The following CSRNP3 variants were observed in gnomAD, a reference collection of about 807,000 sequenced individuals.
The protein encoded by CSRNP3 is cysteine/serine-rich nuclear protein 3.
In CSRNP3, 12 loss-of-function variants were observed where a neutral mutation model predicts 48.0. The observed-to-expected ratio is 0.25, with a 90% CI of 0.16 to 0.41. The LOEUF (loss-of-function observed/expected upper bound fraction) is 0.41, where lower values mean the gene tolerates loss of function less well. Ranked by LOEUF, CSRNP3 falls within the 10% of genes least tolerant of loss-of-function variation. The pLI, the probability that CSRNP3 is intolerant of heterozygous loss-of-function variation, is 1.00. For synonymous variants in CSRNP3, 263 were observed against 269.7 expected, an observed-to-expected ratio of 0.98 and a Z score of 0.24; for missense variants, 580 against 724.4, an observed-to-expected ratio of 0.80 and a Z score of 2.29.
chr2:165,527,387 A>G (rs1204505649), intron 3 of CSRNP3, among the ~76,000 whole-genome samples: 2 of 151,488 alleles, frequency 1.3e-5, no homozygotes, highest in Non-Finnish European at 2.9e-5. Context: ...TTGTATTTTT[A>G]GTAGAGACGG....
At chr2:165,579,118 TTA>T (rs1433781183) in intron 3 of CSRNP3, among the ~76,000 whole-genome samples, 1 of 152,186 alleles carries the variant, frequency 6.6e-6, no homozygotes, top group African/African-American at 2.4e-5. Flanking sequence ...CAGCTTAAAC[TTA>T]TAGTTACAGA....
intron 3 of CSRNP3, among the ~76,000 whole-genome samples, chr2:165,531,320 G>A (rs1684809187): frequency 6.6e-6 from 1 of 152,166 alleles, no homozygotes; most frequent in Non-Finnish European, 1.5e-5. Context: ...TAAGGCAAAT[G>A]CTTGAAAGTT....
intron 4 of CSRNP3, among the ~76,000 whole-genome samples, chr2:165,611,677 T>C (rs1314681123): frequency 6.6e-6 from 1 of 152,128 alleles, no homozygotes; most frequent in Non-Finnish European, 1.5e-5. Context: ...ATAGGTTCTA[T>C]TTTTAATCTT....
intron 2 of CSRNP3, among the ~76,000 whole-genome samples, chr2:165,514,218 G>A (rs1684544910): frequency 6.6e-6 from 1 of 152,200 alleles, no homozygotes; most frequent in African/African-American, 2.4e-5. Flanking sequence ...ATCAGCTGTA[G>A]AGGACATTTG....
chr2:165,656,603 C>T lies in CSRNP3; in HGVS notation c.149-1158C>T, dbSNP rs193288232. Among the ~76,000 whole-genome samples, 933 of 152,090 alleles carry T rather than the reference C, an allele frequency of 6.1e-3. 6 individuals carry two copies. Among genetic ancestry groups the T allele is most frequent in the Non-Finnish European group, 0.011 (718 of 67,986 alleles). ...ATATATCTCAGGCAATTTCATTTGTCCCAATGTATACTTGCATTAGAATCC... is the reference window on the plus strand; with the variant it reads ...ATATATCTCAGGCAATTTCATTTGTTCCAATGTATACTTGCATTAGAATCC... On this transcript the variant is annotated intron_variant, in intron 4 of 6. Transcript: ENST00000651982.
At chr2:165,540,989 TGG>T (rs1684949258) in intron 3 of CSRNP3, among the ~76,000 whole-genome samples, 1 of 152,064 alleles carries the variant, frequency 6.6e-6, no homozygotes, top group Non-Finnish European at 1.5e-5. Flanking sequence ...CTGAAGAGTA[TGG>T]CCTTCCAAAG....
chr2:165,589,059 T>C (rs1685675715), intron 3 of CSRNP3, among the ~76,000 whole-genome samples: 1 of 152,200 alleles, frequency 6.6e-6, no homozygotes, highest in African/African-American at 2.4e-5. Flanking sequence ...GGCCTCATCT[T>C]TAGGAACAAA....
intron 3 of CSRNP3, among the ~76,000 whole-genome samples, chr2:165,542,947 C>T (rs1010508451): frequency 6.6e-6 from 1 of 152,092 alleles, no homozygotes; most frequent in Non-Finnish European, 1.5e-5. Context: ...TACTGAGAAT[C>T]TGTGGTTGCG....
At chr2:165,566,028 C>A (rs982849990) in intron 3 of CSRNP3, among the ~76,000 whole-genome samples, 2 of 151,914 alleles carry the variant, frequency 1.3e-5, no homozygotes, top group African/African-American at 4.8e-5. Flanking sequence ...GGTTCATAGA[C>A]AAAATCTATG....
At chr2:165,565,257 A>T (rs1284751531) in intron 3 of CSRNP3, among the ~76,000 whole-genome samples, 1 of 152,084 alleles carries the variant, frequency 6.6e-6, no homozygotes, top group Non-Finnish European at 1.5e-5. Context: ...CTATTCACAT[A>T]AGAAAGTCTT....
chr2:165,577,843 G>C (rs1463774388), intron 3 of CSRNP3, among the ~76,000 whole-genome samples: 2 of 151,884 alleles, frequency 1.3e-5, no homozygotes, highest in Non-Finnish European at 2.9e-5. Flanking sequence ...TTCCTGGACA[G>C]AGAAAGAGAG....
chr2:165,509,845 T>C (rs997390066), intron 2 of CSRNP3, among the ~76,000 whole-genome samples: 2 of 152,158 alleles, frequency 1.3e-5, no homozygotes, highest in African/African-American at 2.4e-5. Flanking sequence ...GGATACCACA[T>C]TGAATTCGGT....
intron 5 of CSRNP3, among the ~76,000 whole-genome samples, chr2:165,658,232 T>C (rs953164389): frequency 6.6e-6 from 1 of 152,032 alleles, no homozygotes; most frequent in Non-Finnish European, 1.5e-5. Flanking sequence ...ATTCCACCAA[T>C]ATTTACTATT....
chr2:165,595,986 T>G (rs913147147), intron 4 of CSRNP3, among the ~76,000 whole-genome samples: 5 of 151,918 alleles, frequency 3.3e-5, no homozygotes, highest in African/African-American at 9.7e-5. Context: ...ATTTTTTGTA[T>G]TTTTTTGTAT....
rs577417408 is a variant in CSRNP3, at chr2:165,597,040, T to C, written c.148+1827T>C. Among the ~76,000 whole-genome samples, 17 of 152,314 alleles carry C rather than the reference T, an allele frequency of 1.1e-4. No individual in the cohort carries two copies. The South Asian group carries it at 2.1e-3, about 19-fold the overall frequency. On this transcript the variant is annotated intron_variant, in intron 4 of 6. Transcript: ENST00000651982. The stretch of plus-strand genomic sequence containing the variant: ...CACACAGGAGTTGAGCCTGGATATA[T>C]ATACATGTCCTACCACATAGCCTCT...
intron 2 of CSRNP3, among the ~76,000 whole-genome samples, chr2:165,497,301 G>A (rs1467756193): frequency 6.6e-6 from 1 of 151,938 alleles, no homozygotes; most frequent in Non-Finnish European, 1.5e-5. Flanking sequence ...TTTTCTTTGT[G>A]AATTTTCAAG....
chr2:165,558,357 G>C (rs143476622), intron 3 of CSRNP3, among the ~76,000 whole-genome samples: 2 of 152,266 alleles, frequency 1.3e-5, no homozygotes, highest in Non-Finnish European at 2.9e-5. Flanking sequence ...TGCTGATGAA[G>C]GGTTATCTGA....
chr2:165,658,701 A>G (rs1687049115), intron 5 of CSRNP3, among the ~76,000 whole-genome samples: 1 of 152,180 alleles, frequency 6.6e-6, no homozygotes, highest in African/African-American at 2.4e-5. Context: ...AAAGGCACTT[A>G]TTACATGGCG....
intron 4 of CSRNP3, among the ~76,000 whole-genome samples, chr2:165,654,953 C>A (rs1209748089): frequency 1.3e-5 from 2 of 152,094 alleles, no homozygotes; most frequent in Non-Finnish European, 2.9e-5. Flanking sequence ...CTGATGTATC[C>A]CAATCATCTA....
Sources: gnomAD v4.1 joint callset for allele counts (sites outside exome capture counted in the v4.1 genomes callset) on GRCh38, gnomAD v4.1.1 for gene constraint, MANE v1.5 for transcripts, NCBI Gene and HGNC (gene_info 2026-07-23, HGNC 2026-07-21) for gene names.